The following SIGLEC10 variants were observed in gnomAD, a reference collection of about 807,000 sequenced individuals.
SIGLEC10 encodes the protein sialic acid binding Ig like lectin 10, also known as sialic acid-binding Ig-like lectin 10.
In SIGLEC10, 45 loss-of-function variants were observed where a neutral mutation model predicts 68.3. The observed-to-expected ratio is 0.66, with a 90% CI of 0.52 to 0.84. The LOEUF (loss-of-function observed/expected upper bound fraction) is 0.84, where lower values mean the gene tolerates loss of function less well. SIGLEC10 is among the 40% of genes least tolerant of loss of function. The pLI, the probability that SIGLEC10 is intolerant of heterozygous loss-of-function variation, is 0.00. For synonymous variants in SIGLEC10, 379 were observed against 370.8 expected, an observed-to-expected ratio of 1.02 and a Z score of -0.26; for missense variants, 789 against 883.1, an observed-to-expected ratio of 0.89 and a Z score of 1.35.
At position 51,417,141 on chromosome 19, in the gene SIGLEC10, TC is replaced by T; in HGVS notation, c.361del (p.Glu121ArgfsTer6). 6.2e-7 allele frequency: 1 copy of T among 1,614,158 alleles called. No homozygotes were observed. The highest frequency in any genetic ancestry group is 8.5e-7 in the Non-Finnish European group (1 of 1,180,024). On this transcript the variant is annotated frameshift_variant, in exon 2 of 11. Transcript: ENST00000339313. LOFTEE classifies it high-confidence loss of function. The part of the protein sequence containing the change: ...QDESQYFFRV[E>X]RGSYVRYNFM... Reference sequence around the variant, plus strand: ...ATTATATCTCACATAGCTTCCTCTCTCCACCCGAAAGAAGTACTGTGACTCA... The same window carrying T: ...ATTATATCTCACATAGCTTCCTCTCTCACCCGAAAGAAGTACTGTGACTCA...
chr19:51,416,487 T>C lies in SIGLEC10; in HGVS notation c.707-130A>G, dbSNP rs564594672. Reference sequence around the variant, plus strand: ...GTGACAACCAGCGCCAGGGCTCACGTGTGTGGACCAGACGCCATTCCCATC... The same window carrying C: ...GTGACAACCAGCGCCAGGGCTCACGCGTGTGGACCAGACGCCATTCCCATC... On this transcript the variant is annotated intron_variant, in intron 3 of 10. Transcript: ENST00000339313. 231 of 1,596,458 alleles carry C rather than the reference T, an allele frequency of 1.4e-4. 1 individual carries two copies. The highest frequency in any genetic ancestry group is 6.4e-4 in the African/African-American group (48 of 74,686).
chr19:51,414,624 G>C lies in SIGLEC10; in HGVS notation c.1616-109C>G. On this transcript the variant is annotated intron_variant, in intron 8 of 10. Transcript: ENST00000339313. This position sits in a 1 kb window ranked among gnomAD's most constrained non-coding sequence, Gnocchi z 4.1. ...GGTTCCCATGGCGGACATTGTATCT[G>C]CAACCCCTCTGTTTACTTTTAGGAA... 1 of 1,359,928 alleles carries C rather than the reference G, an allele frequency of 7.4e-7. No individual in the cohort carries two copies. Among genetic ancestry groups the C allele is most frequent in the Non-Finnish European group, 1.0e-6 (1 of 963,638 alleles). The allele number at this position is 1,359,928 out of a possible 1,614,324, so 84.2% of individuals were successfully genotyped here.
rs748712691 is a variant in SIGLEC10, at chr19:51,417,310, T to C, written c.193A>G (p.Thr65Ala). 6 of 1,614,232 alleles carry C rather than the reference T, an allele frequency of 3.7e-6. No homozygotes were observed. In the Middle Eastern group the frequency reaches 6.6e-4, roughly 178 times the overall value. Residue 65 changes from threonine (T) to alanine (A), a missense_variant, in exon 2 of 11, where the codon ACT becomes GCT. Transcript: ENST00000339313. The stretch of plus-strand genomic sequence containing the variant: ...ACAGGAGCACCCTTGGTTGTCTCAG[T>C]CACTGCTTTGAACCAGTAGCCATAA... ...PAYGYWFKAV[T>A]ETTKGAPVAT... is the part of the protein sequence containing the mutation.
chr19:51,413,331 C>A (rs1456499712), intron 10 of SIGLEC10, among the ~76,000 whole-genome samples: 1 of 152,062 alleles, frequency 6.6e-6, no homozygotes, highest in African/African-American at 2.4e-5. Context: ...GGATTTGAAC[C>A]CATGCAGGCT....
At chr19:51,415,661 C>T in intron 5 of SIGLEC10, 46 bp from the exon 6 acceptor site, 1 of 1,613,776 alleles carries the variant, frequency 6.2e-7, no homozygotes, top group Non-Finnish European at 8.5e-7. Flanking sequence ...CAGGGGCTTC[C>T]CTCTGGGTAA....
rs531889462 is a variant in SIGLEC10, at chr19:51,416,488, G to A, written c.707-131C>T. On this transcript the variant is annotated intron_variant, in intron 3 of 10. Transcript: ENST00000339313. ...TGACAACCAGCGCCAGGGCTCACGT[G>A]TGTGGACCAGACGCCATTCCCATCC... 224 of 1,594,500 alleles carry A rather than the reference G, an allele frequency of 1.4e-4. 1 individual carries two copies. The highest frequency in any genetic ancestry group is 6.3e-4 in the African/African-American group (47 of 74,662).
In SIGLEC10 at chr19:51,411,033, T is replaced by C; in HGVS notation, c.*66A>G. 1 of 1,532,942 alleles carries C rather than the reference T, an allele frequency of 6.5e-7. No homozygotes were observed. The highest frequency in any genetic ancestry group is 8.8e-7 in the Non-Finnish European group (1 of 1,135,300). The allele number at this position is 1,532,942 out of a possible 1,614,324, so 95.0% of individuals were successfully genotyped here. On this transcript the variant is annotated 3_prime_UTR_variant, in exon 11 of 11. Coordinates refer to ENST00000339313, the MANE Select transcript of SIGLEC10 (RefSeq NM_033130.5). ...GAGAGAAGGAAACTTTGCACTCTGT[T>C]ATCTTCAACCTCTTACTCTACCTTC...
intron 10 of SIGLEC10, 23 bp downstream of exon 10, chr19:51,413,689 G>C (rs371737169): frequency 4.4e-6 from 7 of 1,600,440 alleles, no homozygotes; most frequent in Non-Finnish European, 6.0e-6. Flanking sequence ...GAGAAAAAGT[G>C]GAAGCATGGC....
rs994500633 is a variant in SIGLEC10 at position 51,414,718 on chromosome 19, C to T, written c.1615+106G>A. 17 of 1,539,816 alleles carry T rather than the reference C, an allele frequency of 1.1e-5. No homozygotes were observed. Among genetic ancestry groups the T allele is most frequent in the Non-Finnish European group, 1.3e-5 (15 of 1,125,466 alleles). ...TTTTCCTGTCTACATACAGATGCCA[C>T]GGGTCTGCTGTGTCCCTCCAAGCTC... On this transcript the variant is annotated intron_variant, in intron 8 of 10. Coordinates refer to ENST00000339313, the MANE Select transcript of SIGLEC10 (RefSeq NM_033130.5). This position sits in a 1 kb window ranked among gnomAD's most constrained non-coding sequence, Gnocchi z 4.1.
rs528345717 is a variant in SIGLEC10 at position 51,415,017 on chromosome 19, C to A, written c.1422G>T (p.Leu474=). 6.2e-7 allele frequency: 1 copy of A among 1,611,178 alleles called. No individual in the cohort carries two copies. The highest frequency in any genetic ancestry group is 1.1e-5 in the South Asian group (1 of 90,944). ...GCAGCTCCTCCCCAAGCCACCAGCGCAGAGAGGGGGCCGGGCTGGCCTGGG... is the reference window on the plus strand; with the variant it reads ...GCAGCTCCTCCCCAAGCCACCAGCGAAGAGAGGGGGCCGGGCTGGCCTGGG... ...CSSQASPAPS[L]RWWLGEELLE... The change falls in exon 8 of 11, where the codon CTG becomes CTT. Residue 474 remains leucine (L), a synonymous_variant. Transcript: ENST00000339313.
chr19:51,412,271 T>G (rs1599886484), intron 10 of SIGLEC10, among the ~76,000 whole-genome samples: 2 of 146,870 alleles, frequency 1.4e-5, no homozygotes, highest in African/African-American at 2.5e-5. Context: ...CGGGGTGGGG[T>G]GGGGGGTGTT....
Position 51,410,813 on chromosome 19 carries a change from T to G in SIGLEC10, c.*286A>C, listed in dbSNP as rs1399161377. 2 of 271,110 alleles carry G rather than the reference T, an allele frequency of 7.4e-6. No homozygotes were observed. The highest frequency in any genetic ancestry group is 1.4e-4 in the East Asian group (2 of 14,098). The allele number at this position is 271,110 out of a possible 1,614,324, so 16.8% of individuals were successfully genotyped here. A position where few individuals can be genotyped will look rare whatever the true frequency, so the allele number is the denominator to read the frequency against. ...ACAGGCGCCTGCCACCATGCCCAGCTAATTTTTGTATTTTTAGTAGAGACG... is the reference window on the plus strand; with the variant it reads ...ACAGGCGCCTGCCACCATGCCCAGCGAATTTTTGTATTTTTAGTAGAGACG... On this transcript the variant is annotated 3_prime_UTR_variant, in exon 11 of 11. Transcript: ENST00000339313.
At position 51,414,728 on chromosome 19, in the gene SIGLEC10, G is replaced by GTATGTAGCTGTATGTAGCCACGGGTCTGC; in HGVS notation, c.1615+95_1615+96insGCAGACCCGTGGCTACATACAGCTACATA. On this transcript the variant is annotated intron_variant, in intron 8 of 10. Transcript: ENST00000339313. This position sits in a 1 kb window ranked among gnomAD's most constrained non-coding sequence, Gnocchi z 4.1. ...TACATACAGATGCCACGGGTCTGCT[G>GTATGTAGCTGTATGTAGCCACGGGTCTGC]TGTCCCTCCAAGCTCCTGCTCCAAC... 6.4e-7 allele frequency: 1 copy of GTATGTAGCTGTATGTAGCCACGGGTCTGC among 1,564,538 alleles called. No individual in the cohort carries two copies. Among genetic ancestry groups the GTATGTAGCTGTATGTAGCCACGGGTCTGC allele is most frequent in the Non-Finnish European group, 8.7e-7 (1 of 1,146,590 alleles).
rs777959758 is a variant in SIGLEC10 at position 51,417,624 on chromosome 19, C to T, written c.-43G>A. The T allele has an allele frequency of 2.2e-5, 36 of 1,612,890 alleles. No individual in the cohort carries two copies. In the African/African-American group the frequency reaches 4.1e-4, roughly 19 times the overall value. ...AGGGCCTGCCTGAGACAGGCCTGTTCTCTGGTCGTGCTGTGAGTGGCTCAG... is the reference window on the plus strand; with the variant it reads ...AGGGCCTGCCTGAGACAGGCCTGTTTTCTGGTCGTGCTGTGAGTGGCTCAG... On this transcript the variant is annotated 5_prime_UTR_variant, in exon 1 of 11. Transcript: ENST00000339313.
intron 10 of SIGLEC10, 138 bp downstream of exon 10, chr19:51,413,574 G>T: frequency 1.4e-6 from 1 of 717,504 alleles, no homozygotes; most frequent in South Asian, 1.8e-5. Context: ...TAGCTAGTAA[G>T]TGCCAGGCAG....
chr19:51,412,144 AAAAATAAAAT>A (rs559336620), intron 10 of SIGLEC10, among the ~76,000 whole-genome samples: 1 of 152,126 alleles, frequency 6.6e-6, no homozygotes, highest in African/African-American at 2.4e-5. Context: ...TCCCATCTCA[AAAAATAAAAT>A]AAAATAAAAA....
Position 51,411,324 on chromosome 19 carries a change from AG to A in SIGLEC10, c.1868del (p.Pro623LeufsTer96). The A allele has an allele frequency of 6.2e-7, 1 of 1,614,184 alleles. No homozygotes were observed. Among genetic ancestry groups the A allele is most frequent in the Non-Finnish European group, 8.5e-7 (1 of 1,180,030 alleles). On this transcript the variant is annotated frameshift_variant, in exon 11 of 11. Coordinates refer to ENST00000339313, the MANE Select transcript of SIGLEC10 (RefSeq NM_033130.5). LOFTEE classifies it low-confidence loss of function (END_TRUNC). ...QKATPNSPRT[P>X]LPPGAPSPES... ...CTGGGGAGGGAGCACCTGGTGGAAG[AG>A]GGGTCCGAGGACTGTTTGGTGTGGC... is the stretch of plus-strand genomic sequence containing the variant.
chr19:51,416,418 A>T (rs1988661973), intron 3 of SIGLEC10, 61 bp from the exon 4 acceptor site: 1 of 1,613,374 alleles, frequency 6.2e-7, no homozygotes, highest in Non-Finnish European at 8.5e-7. Context: ...ACCTGGAAAA[A>T]ACTCCCTCAG....
At position 51,414,389 on chromosome 19, in the gene SIGLEC10, C is replaced by T; in HGVS notation, c.1709+33G>A. The T allele has an allele frequency of 4.4e-6, 7 of 1,577,354 alleles. No individual in the cohort carries two copies. The highest frequency in any genetic ancestry group is 6.1e-6 in the Non-Finnish European group (7 of 1,152,428). On this transcript the variant is annotated intron_variant, in intron 9 of 10. Coordinates refer to ENST00000339313, the MANE Select transcript of SIGLEC10 (RefSeq NM_033130.5). The surrounding 1 kb of genome is among the most constrained non-coding windows in gnomAD (Gnocchi z 4.1). The stretch of plus-strand genomic sequence containing the variant: ...CACCTCCCCTCTTCCTGGGTCCAGG[C>T]CCCAGACCCCGCCACGCCTCCTCTT...
Sources: gnomAD v4.1 joint callset for allele counts (sites outside exome capture counted in the v4.1 genomes callset) on GRCh38, gnomAD v4.1.1 for gene constraint, Gnocchi (gnomAD v3.1) non-coding constraint, MANE v1.5 for transcripts, NCBI Gene and HGNC (gene_info 2026-07-23, HGNC 2026-07-21) for gene names.